Variants in MLLT10 observed in about 807,000 individuals in gnomAD.
The protein encoded by MLLT10 is MLLT10 histone lysine methyltransferase DOT1L cofactor, also known as protein AF-10.
A neutral mutation model predicts 129.1 loss-of-function variants in MLLT10; 30 were observed. The observed-to-expected ratio is 0.23, with a 90% CI of 0.17 to 0.32. MLLT10 has a LOEUF of 0.32. Ranked by LOEUF, MLLT10 falls within the 10% of genes least tolerant of loss-of-function variation. The probability of loss-of-function intolerance (pLI) is 1.00; values close to 1 mark genes in which losing one functional copy is unlikely to be tolerated. For synonymous variants in MLLT10, 490 were observed against 446.4 expected (o/e 1.10, Z -1.23); for missense variants, 1,119 against 1,268.3 (o/e 0.88, Z 1.79).
chr10:21,708,799 A>G, intron 13 of MLLT10: 2 of 941,462 alleles, frequency 2.1e-6, no homozygotes, highest in Non-Finnish European at 2.5e-6. Flanking sequence ...TTCAAAGTGT[A>G]GTAGAGACAT....
chr10:21,566,916 C>T lies in MLLT10; in HGVS notation c.241-19378C>T, dbSNP rs192704023. On this transcript the variant is annotated intron_variant, in intron 3 of 22. Transcript: ENST00000307729. Reference sequence around the variant, plus strand: ...TCAACCTCCGCCTTCCGGGTTCAAGCGATTCTCCTGCCTCAGCCTCCCAAG... The same window carrying T: ...TCAACCTCCGCCTTCCGGGTTCAAGTGATTCTCCTGCCTCAGCCTCCCAAG... Among the ~76,000 whole-genome samples the T allele has an allele frequency of 7.1e-3, 1,082 of 152,104 alleles. 6 individuals are homozygous for T. Among genetic ancestry groups the T allele is most frequent in the Non-Finnish European group, 0.012 (801 of 67,978 alleles).
chr10:21,608,385 C>T (rs1010640745), intron 5 of MLLT10, among the ~76,000 whole-genome samples: 8 of 151,420 alleles, frequency 5.3e-5, no homozygotes, highest in Non-Finnish European at 7.4e-5. Flanking sequence ...CTATGTTTTC[C>T]AGGCTGGTGT....
chr10:21,549,888 C>G (rs966212118), intron 3 of MLLT10, among the ~76,000 whole-genome samples: 8 of 152,268 alleles, frequency 5.3e-5, no homozygotes, highest in Admixed American at 4.6e-4. Flanking sequence ...ATCTGCCCGC[C>G]TTGGCCTCCC....
At chr10:21,735,055 T>A (rs895115936) in intron 20 of MLLT10, 84 bp from the exon 21 acceptor site, 1 of 953,828 alleles carries the variant, frequency 1.0e-6, no homozygotes, top group African/African-American at 1.6e-5. Context: ...AAACATCAAA[T>A]TGAAAAGTTG....
At chr10:21,727,750 T>C in intron 15 of MLLT10, 106 bp from the exon 16 acceptor site, 1 of 776,730 alleles carries the variant, frequency 1.3e-6, no homozygotes, top group Non-Finnish European at 2.1e-6. Flanking sequence ...ACTGCAAAGA[T>C]AGTGGTAAAG....
At position 21,545,903 on chromosome 10, in the gene MLLT10, G is replaced by A. The variant is rs143999275; in HGVS notation, c.240+6991G>A. On this transcript the variant is annotated intron_variant, in intron 3 of 22. Coordinates refer to ENST00000307729, the MANE Select transcript of MLLT10 (RefSeq NM_001195626.3). Reference sequence around the variant, plus strand: ...GCTGGTCTCGAACACCTGGCTTTAAGAGATCCTCCCGTGTTGTCCTCCTAA... The same window carrying A: ...GCTGGTCTCGAACACCTGGCTTTAAAAGATCCTCCCGTGTTGTCCTCCTAA... Among the ~76,000 whole-genome samples, 7 of 152,226 alleles carry A rather than the reference G, an allele frequency of 4.6e-5. No individual in the cohort carries two copies. The East Asian group carries it at 1.4e-3, about 29-fold the overall frequency.
chr10:21,543,769 A>C (rs1287671304), intron 3 of MLLT10, among the ~76,000 whole-genome samples: 1 of 152,134 alleles, frequency 6.6e-6, no homozygotes, highest in African/African-American at 2.4e-5. Flanking sequence ...GTGAGCCACT[A>C]TGCCCGGTCT....
In MLLT10 at chr10:21,736,559, G is replaced by A. The variant is rs141889781; in HGVS notation, c.2955+1324G>A. Among the ~76,000 whole-genome samples the A allele has an allele frequency of 2.2e-3, 331 of 152,334 alleles. 1 individual carries two copies. Among genetic ancestry groups the A allele is most frequent in the African/African-American group, 7.6e-3 (317 of 41,576 alleles). On this transcript the variant is annotated intron_variant, in intron 21 of 22. Coordinates refer to ENST00000307729, the MANE Select transcript of MLLT10 (RefSeq NM_001195626.3). ...GCCTTCCAAAGTGCTGGAATTACAG[G>A]TGTGAGCCACTGTGCCCAGCCAAGA...
chr10:21,652,498 G>A (rs1033237313), intron 9 of MLLT10, among the ~76,000 whole-genome samples: 2 of 152,172 alleles, frequency 1.3e-5, no homozygotes, highest in Non-Finnish European at 2.9e-5. Flanking sequence ...ACAGTATTTG[G>A]TTCATAGTGA....
At chr10:21,625,875 G>A in intron 8 of MLLT10, 1 of 780,270 alleles carries the variant, frequency 1.3e-6, no homozygotes, top group Non-Finnish European at 2.4e-6. Context: ...TCCCAAATGG[G>A]ACTGGCCTTC....
intron 13 of MLLT10, among the ~76,000 whole-genome samples, chr10:21,707,196 T>TC (rs2055600140): frequency 6.7e-6 from 1 of 149,852 alleles, no homozygotes; most frequent in African/African-American, 2.5e-5. Flanking sequence ...ATGATTTTTT[T>TC]TTTTTTTTTT....
chr10:21,635,288 G>A (rs370193606), intron 8 of MLLT10, among the ~76,000 whole-genome samples: 2 of 152,050 alleles, frequency 1.3e-5, no homozygotes, highest in Non-Finnish European at 2.9e-5. Flanking sequence ...TTACCTCCTT[G>A]TATTTTGGGG....
intron 3 of MLLT10, among the ~76,000 whole-genome samples, chr10:21,559,641 CT>C (rs1157276419): frequency 2.6e-5 from 4 of 152,302 alleles, no homozygotes; most frequent in African/African-American, 9.6e-5. Flanking sequence ...TCTATAGCCC[CT>C]GGTAACTTCT....
At chr10:21,699,109 A>C (rs1268055198) in intron 13 of MLLT10, among the ~76,000 whole-genome samples, 1 of 152,160 alleles carries the variant, frequency 6.6e-6, no homozygotes, top group Admixed American at 6.5e-5. Context: ...TCCTGACCTC[A>C]GGTGATCCAC....
intron 3 of MLLT10, among the ~76,000 whole-genome samples, chr10:21,558,698 A>T (rs1168193319): frequency 1.3e-5 from 2 of 151,964 alleles, no homozygotes; most frequent in African/African-American, 4.8e-5. Context: ...TTTTCAAAAA[A>T]TTTTTATTTT....
At chr10:21,675,000 C>A (rs970616242) in intron 11 of MLLT10, among the ~76,000 whole-genome samples, 2 of 151,884 alleles carry the variant, frequency 1.3e-5, no homozygotes, top group Non-Finnish European at 2.9e-5. Flanking sequence ...TAAGAAAGAC[C>A]AGTCCAAGAG....
intron 13 of MLLT10, among the ~76,000 whole-genome samples, chr10:21,712,879 T>C (rs1185452290): frequency 6.6e-6 from 1 of 152,250 alleles, no homozygotes; most frequent in Non-Finnish European, 1.5e-5. Context: ...AGCCTCTCCT[T>C]CTCTATGCTG....
chr10:21,606,022 C>T (rs2044026997), intron 5 of MLLT10, among the ~76,000 whole-genome samples: 1 of 152,006 alleles, frequency 6.6e-6, no homozygotes, highest in East Asian at 1.9e-4. Flanking sequence ...CTTAGTGACT[C>T]TTTGTCCCTT....
intron 5 of MLLT10, among the ~76,000 whole-genome samples, chr10:21,597,169 A>T (rs571850561): frequency 6.6e-6 from 1 of 152,180 alleles, no homozygotes; most frequent in Non-Finnish European, 1.5e-5. Flanking sequence ...CCAATATAAT[A>T]TGCTGTCACC....
Sources: gnomAD v4.1 joint callset for allele counts (sites outside exome capture counted in the v4.1 genomes callset) on GRCh38, gnomAD v4.1.1 for gene constraint, MANE v1.5 for transcripts, NCBI Gene and HGNC (gene_info 2026-07-23, HGNC 2026-07-21) for gene names.